KIF26A: variants seen among roughly 807,000 people sequenced by gnomAD.
KIF26A encodes the protein kinesin-like protein KIF26A.
In KIF26A, 74 loss-of-function variants were observed where a neutral mutation model predicts 126.0. That is an observed-to-expected ratio of 0.59 (90% CI 0.49 to 0.71). The LOEUF is 0.71. Ranked by LOEUF, KIF26A falls within the 30% of genes least tolerant of loss-of-function variation. KIF26A has a pLI of 0.00. For synonymous variants in KIF26A, 1,445 were observed against 1,232.7 expected (o/e 1.17, Z -3.61); for missense variants, 2,984 against 2,763.3 (o/e 1.08, Z -1.79).
intron 5 of KIF26A, among the ~76,000 whole-genome samples, 157 bp downstream of exon 5, chr14:104,167,205 C>T (rs1170771612): frequency 6.6e-6 from 1 of 152,106 alleles, no homozygotes; most frequent in Non-Finnish European, 1.5e-5. Context: ...GCCCAGGTGG[C>T]AGCAGGGAGC....
rs772429183 is a variant in KIF26A, at chr14:104,152,253, C to T, written c.527C>T (p.Pro176Leu). The stretch of plus-strand genomic sequence containing the variant: ...ACCAGCTCGAGGGACACGCCAGGAC[C>T]AGCGGGTCCTGCAGGGAGGCAGCCA... ...TTTSSRDTPG[P>L]AGPAGRQPGR... Residue 176 changes from proline to leucine, a missense_variant, in exon 3 of 15, where the codon CCA becomes CTA. Coordinates refer to ENST00000423312, the MANE Select transcript of KIF26A (RefSeq NM_015656.2). This position sits in a 1 kb window ranked among gnomAD's most constrained non-coding sequence, Gnocchi z 5.9. The T allele has an allele frequency of 6.3e-7, 1 of 1,596,222 alleles. No individual in the cohort carries two copies. The highest frequency in any genetic ancestry group is 1.1e-5 in the South Asian group (1 of 88,718).
intron 2 of KIF26A, among the ~76,000 whole-genome samples, chr14:104,149,149 T>A (rs2037705254): frequency 6.6e-6 from 1 of 152,160 alleles, no homozygotes; most frequent in African/African-American, 2.4e-5. Context: ...TGTGTTGCCC[T>A]AGGCCGGTCT....
intron 2 of KIF26A, among the ~76,000 whole-genome samples, chr14:104,141,768 G>A (rs1211367053): frequency 5.3e-5 from 8 of 152,174 alleles, no homozygotes; most frequent in Non-Finnish European, 1.0e-4. Context: ...AGCAACACCC[G>A]ATGCCTGCAT....
At chr14:104,143,067 C>T (rs1354009893) in intron 2 of KIF26A, among the ~76,000 whole-genome samples, 4 of 152,230 alleles carry the variant, frequency 2.6e-5, no homozygotes, top group Non-Finnish European at 4.4e-5. Flanking sequence ...CCTGAGACCC[C>T]GTGACATTTG....
intron 4 of KIF26A, among the ~76,000 whole-genome samples, chr14:104,165,837 TTCTGTGTGTG>T (rs955458670): frequency 6.9e-5 from 10 of 144,480 alleles, no homozygotes; most frequent in East Asian, 1.9e-4. Flanking sequence ...ATGTGTGTGT[TTCTGTGTGTG>T]TCTGTGTGTG....
Position 104,154,244 on chromosome 14 carries a change from C to T in KIF26A, c.735+1783C>T, listed in dbSNP as rs576313485. 2.2e-4 allele frequency among the ~76,000 whole-genome samples: 33 copies of T among 152,266 alleles called. 1 individual carries two copies. The highest frequency in any genetic ancestry group is 1.4e-3 in the Admixed American group (22 of 15,302). On this transcript the variant is annotated intron_variant, in intron 3 of 14. Coordinates refer to ENST00000423312, the MANE Select transcript of KIF26A (RefSeq NM_015656.2). ...AAGGCAAACACTGATCTGGGGCCAG[C>T]GGGTGGGACGGGGGTGCTGCAGCCC...
rs554742312 is a variant in KIF26A at position 104,169,359 on chromosome 14, A to G, written c.1113+2311A>G. On this transcript the variant is annotated intron_variant, in intron 5 of 14. Coordinates refer to ENST00000423312, the MANE Select transcript of KIF26A (RefSeq NM_015656.2). The stretch of plus-strand genomic sequence containing the variant: ...AGCAGCTCCTTCAGGAGCCCGCAAC[A>G]CTTTTCCCAGCGCCCCGCGTTTCTT... 7.2e-5 allele frequency among the ~76,000 whole-genome samples: 11 copies of G among 152,296 alleles called. No individual in the cohort carries two copies. In the South Asian group the frequency reaches 2.3e-3, roughly 32 times the overall value.
At chr14:104,144,266 G>A (rs549759134) in intron 2 of KIF26A, among the ~76,000 whole-genome samples, 2 of 152,330 alleles carry the variant, frequency 1.3e-5, no homozygotes, top group South Asian at 4.1e-4. Flanking sequence ...CCAGCCAGAA[G>A]CAGAGATGGA....
intron 3 of KIF26A, among the ~76,000 whole-genome samples, chr14:104,155,597 G>A (rs1297839163): frequency 6.6e-6 from 1 of 152,122 alleles, no homozygotes; most frequent in Admixed American, 6.5e-5. Context: ...CCTGCCCCCG[G>A]CTCTCGCTTT....
chr14:104,170,382 G>A (rs907266043), intron 5 of KIF26A, among the ~76,000 whole-genome samples: 6 of 152,232 alleles, frequency 3.9e-5, no homozygotes, highest in East Asian at 1.9e-4. Flanking sequence ...GCTGCTCCCC[G>A]GAGAGCGGGC....
chr14:104,166,136 G>A (rs892914133), intron 4 of KIF26A, among the ~76,000 whole-genome samples: 4 of 152,100 alleles, frequency 2.6e-5, no homozygotes, highest in South Asian at 2.1e-4. Context: ...GGGGCAGGGT[G>A]GCAGCGGGGG....
chr14:104,155,758 C>T (rs1278347816), intron 3 of KIF26A, among the ~76,000 whole-genome samples: 1 of 152,252 alleles, frequency 6.6e-6, no homozygotes, highest in African/African-American at 2.4e-5. Context: ...TGTGGGGAGG[C>T]CCAGCTGGCC....
intron 4 of KIF26A, among the ~76,000 whole-genome samples, chr14:104,163,743 TCA>T (rs2037853846): frequency 7.0e-6 from 1 of 143,854 alleles, no homozygotes; most frequent in Non-Finnish European, 1.5e-5. Context: ...CTGCTCTGAC[TCA>T]CACCTGCATC....
In KIF26A at chr14:104,176,058, C is replaced by T. The variant is rs1211930522; in HGVS notation, c.3270C>T (p.Ala1090=). The change falls in exon 12 of 15, where the codon GCC becomes GCT. Residue 1090 remains alanine, a synonymous_variant. Coordinates refer to ENST00000423312, the MANE Select transcript of KIF26A (RefSeq NM_015656.2). ...AGTTTGACGCCTACACCTCTCAGGC[C>T]CCTGAGGGGGGGCCCCTGGAGGGGG... ...NDEFDAYTSQ[A]PEGGPLEGAA... 6.3e-7 allele frequency: 1 copy of T among 1,596,578 alleles called. No homozygotes were observed.
Position 104,180,701 on chromosome 14 carries a change from G to C in KIF26A, c.*911G>C, listed in dbSNP as rs185715348. Reference sequence around the variant, plus strand: ...CTCTGGGGGGCACCCTGGGCAGGGTGGGGGGGCCTTGGGAGGCGCTTCTTG... The same window carrying C: ...CTCTGGGGGGCACCCTGGGCAGGGTCGGGGGGCCTTGGGAGGCGCTTCTTG... On this transcript the variant is annotated 3_prime_UTR_variant, in exon 15 of 15. Coordinates refer to ENST00000423312, the MANE Select transcript of KIF26A (RefSeq NM_015656.2). The C allele has an allele frequency of 5.2e-5, 8 of 154,108 alleles. No individual in the cohort carries two copies. Among genetic ancestry groups the C allele is most frequent in the African/African-American group, 1.4e-4 (6 of 41,562 alleles). 9.5% of individuals were successfully genotyped at this position (154,108 alleles called of 1,614,324 possible).
intron 3 of KIF26A, among the ~76,000 whole-genome samples, chr14:104,156,038 G>A (rs2037773856): frequency 1.3e-5 from 2 of 152,056 alleles, no homozygotes; most frequent in Non-Finnish European, 2.9e-5. Flanking sequence ...CCATCGCGAC[G>A]AGCCACCTGT....
chr14:104,156,901 A>G (rs1053036688), intron 3 of KIF26A, among the ~76,000 whole-genome samples: 4 of 152,100 alleles, frequency 2.6e-5, no homozygotes, highest in African/African-American at 4.8e-5. Flanking sequence ...GGGCCGAATG[A>G]CGCTTGGCAC....
intron 5 of KIF26A, among the ~76,000 whole-genome samples, chr14:104,171,404 C>T (rs1003250220): frequency 6.6e-5 from 10 of 152,212 alleles, no homozygotes; most frequent in African/African-American, 2.4e-4. Flanking sequence ...AGCTGCTCTG[C>T]AGGACCTGAG....
Position 104,180,748 on chromosome 14 carries a change from G to A in KIF26A, c.*958G>A, listed in dbSNP as rs1369600565. ...CTTGCCAAATGCAGACGAGGGGTGA[G>A]CCTGCCAGCGTTTGCGACGTCCCCG... On this transcript the variant is annotated 3_prime_UTR_variant, in exon 15 of 15. Transcript: ENST00000423312. 1 of 154,346 alleles carries A rather than the reference G, an allele frequency of 6.5e-6. No homozygotes were observed. The highest frequency in any genetic ancestry group is 6.5e-5 in the Admixed American group (1 of 15,298). 9.6% of individuals were successfully genotyped at this position (154,346 alleles called of 1,614,324 possible).
Sources: allele counts gnomAD v4.1 joint callset (sites outside exome capture counted in the v4.1 genomes callset), GRCh38; gene constraint gnomAD v4.1.1; non-coding constraint Gnocchi (gnomAD v3.1); transcripts MANE v1.5; gene names NCBI Gene and HGNC (gene_info 2026-07-23, HGNC 2026-07-21).